The following LAMP1 variants were observed in gnomAD, a reference collection of about 807,000 sequenced individuals.
LAMP1 encodes lysosome associated membrane protein 1.
Under a neutral mutation model 37.5 loss-of-function variants are expected in LAMP1, and 7 were observed. The ratio of observed to expected loss-of-function variants is 0.19; its 90% confidence interval spans 0.11 to 0.35. LAMP1 has a LOEUF of 0.35. Ranked by LOEUF, LAMP1 falls within the 10% of genes least tolerant of loss-of-function variation. The pLI, the probability that LAMP1 is intolerant of heterozygous loss-of-function variation, is 1.00. For synonymous variants in LAMP1, 236 were observed against 229.1 expected, an observed-to-expected ratio of 1.03 and a Z score of -0.27; for missense variants, 537 against 552.8, an observed-to-expected ratio of 0.97 and a Z score of 0.29.
At chr13:113,310,237 A>G (rs1195901367) in intron 3 of LAMP1, among the ~76,000 whole-genome samples, 1 of 150,946 alleles carries the variant, frequency 6.6e-6, no homozygotes, top group Non-Finnish European at 1.5e-5. Context: ...TAAAAAATAA[A>G]AAACACACAG....
intron 4 of LAMP1, among the ~76,000 whole-genome samples, chr13:113,313,075 G>A (rs1277008537): frequency 6.6e-6 from 1 of 152,130 alleles, no homozygotes; most frequent in African/African-American, 2.4e-5. Flanking sequence ...CTCCCTACTG[G>A]CTAGGCCTGG....
intron 1 of LAMP1, among the ~76,000 whole-genome samples, chr13:113,304,707 A>AG (rs2139358633): frequency 6.7e-6 from 1 of 149,714 alleles, no homozygotes; most frequent in East Asian, 2.0e-4. Flanking sequence ...CCCAGGCTGG[A>AG]GGGCAGTGGT....
intron 1 of LAMP1, chr13:113,305,754 G>C (rs1421587997): frequency 6.6e-6 from 1 of 152,200 alleles, no homozygotes; most frequent in African/African-American, 2.4e-5. Flanking sequence ...AGCAGGTGAG[G>C]ACCACAGTGA....
chr13:113,308,926 C>T (rs1014871899), intron 2 of LAMP1, among the ~76,000 whole-genome samples: 8 of 152,112 alleles, frequency 5.3e-5, no homozygotes, highest in Non-Finnish European at 1.0e-4. Context: ...AACATTTCTG[C>T]TATAAACACC....
Position 113,321,557 on chromosome 13 carries a change from A to G in LAMP1, c.944A>G (p.Asp315Gly), listed in dbSNP as rs1566405101. 1.9e-6 allele frequency: 3 copies of G among 1,613,824 alleles called. No homozygotes were observed. The highest frequency in any genetic ancestry group is 2.5e-6 in the Non-Finnish European group (3 of 1,179,990). Reference sequence around the variant, plus strand: ...CACTAGACCTCTGTGTGTGTTGCAGACCCTGCCTTTAAAGCTGCCAACGGC... The same window carrying G: ...CACTAGACCTCTGTGTGTGTTGCAGGCCCTGCCTTTAAAGCTGCCAACGGC... ...QLNTILPDAR[D>G]PAFKAANGSL... Residue 315 changes from aspartate to glycine, a missense_variant and splice_region_variant, in exon 8 of 9, where the codon GAC becomes GGC. By Grantham distance (94) the Asp-to-Gly change is moderately conservative. Transcript: ENST00000332556. This position sits in a 1 kb window ranked among gnomAD's most constrained non-coding sequence, Gnocchi z 5.6.
At chr13:113,313,336 A>AT (rs2042641395) in intron 4 of LAMP1, among the ~76,000 whole-genome samples, 1 of 152,206 alleles carries the variant, frequency 6.6e-6, no homozygotes, top group Non-Finnish European at 1.5e-5. Context: ...AAGATAGACT[A>AT]TTTTTTAGAG....
At chr13:113,306,834 C>CTTTTTTGTT (rs2042601631) in intron 2 of LAMP1, among the ~76,000 whole-genome samples, 2 of 80,142 alleles carry the variant, frequency 2.5e-5, no homozygotes, top group Admixed American at 2.3e-4. Context: ...GAACATTTTC[C>CTTTTTTGTT]TTTTTTTTTT....
chr13:113,320,545 C>T lies in LAMP1; in HGVS notation c.876+75C>T, dbSNP rs2042692673. On this transcript the variant is annotated intron_variant, in intron 6 of 8. Transcript: ENST00000332556. This position sits in a 1 kb window ranked among gnomAD's most constrained non-coding sequence, Gnocchi z 4.4. ...CATCTTTTTGTGCCCTGGGTCTGCT[C>T]ATGGGAGGCAGCGTTAGGAAGGAGG... The T allele has an allele frequency of 6.6e-7, 1 of 1,519,144 alleles. No homozygotes were observed. The highest frequency in any genetic ancestry group is 1.1e-5 in the South Asian group (1 of 87,168). The allele number at this position is 1,519,144 out of a possible 1,614,324, so 94.1% of individuals were successfully genotyped here.
In LAMP1 at chr13:113,297,465, C is replaced by T; in HGVS notation, c.31C>T (p.Leu11=). ...GGCCCCCGGCAGCGCCCGGCGACCC[C>T]TGCTGCTGCTACTGCTGTTGCTGCT... MAAPGSARRP[L]LLLLLLLLLG... is the part of the protein sequence containing the mutation. Residue 11 remains leucine, a synonymous_variant, in exon 1 of 9, where the codon CTG becomes TTG. Coordinates refer to ENST00000332556, the MANE Select transcript of LAMP1 (RefSeq NM_005561.4). The surrounding 1 kb of genome is among the most constrained non-coding windows in gnomAD (Gnocchi z 4.4). 8.2e-7 allele frequency: 1 copy of T among 1,224,408 alleles called. No homozygotes were observed. Among genetic ancestry groups the T allele is most frequent in the Non-Finnish European group, 1.0e-6 (1 of 973,204 alleles). The allele number at this position is 1,224,408 out of a possible 1,614,324, so 75.8% of individuals were successfully genotyped here.
chr13:113,302,800 C>T (rs949248762), intron 1 of LAMP1, among the ~76,000 whole-genome samples: 27 of 152,150 alleles, frequency 1.8e-4, no homozygotes, highest in Admixed American at 1.5e-3. Context: ...TCAGAAGTGG[C>T]ACGTCCTGTG....
chr13:113,320,503 C>T lies in LAMP1; in HGVS notation c.876+33C>T, dbSNP rs752288316. On this transcript the variant is annotated intron_variant, in intron 6 of 8. Coordinates refer to ENST00000332556, the MANE Select transcript of LAMP1 (RefSeq NM_005561.4). The surrounding 1 kb of genome is among the most constrained non-coding windows in gnomAD (Gnocchi z 4.4). ...TGGGGCGGCACCTCTCTGGGGGCGCCCACTGTGTCTCCACCACATCTTTTT... is the reference window on the plus strand; with the variant it reads ...TGGGGCGGCACCTCTCTGGGGGCGCTCACTGTGTCTCCACCACATCTTTTT... The T allele has an allele frequency of 1.3e-6, 2 of 1,596,948 alleles. No homozygotes were observed. Among genetic ancestry groups the T allele is most frequent in the South Asian group, 2.2e-5 (2 of 90,956 alleles).
Position 113,320,695 on chromosome 13 carries a change from G to A in LAMP1, c.876+225G>A. On this transcript the variant is annotated intron_variant, in intron 6 of 8. Transcript: ENST00000332556. The surrounding 1 kb of genome is among the most constrained non-coding windows in gnomAD (Gnocchi z 4.4). ...GGGCGGGGCTGCTGTGCCCACAGTTGGAGTGGCTGCAGGGGAGGGCATGCA... is the reference window on the plus strand; with the variant it reads ...GGGCGGGGCTGCTGTGCCCACAGTTAGAGTGGCTGCAGGGGAGGGCATGCA... 1.8e-6 allele frequency: 1 copy of A among 546,920 alleles called. No individual in the cohort carries two copies. Among genetic ancestry groups the A allele is most frequent in the Non-Finnish European group, 3.2e-6 (1 of 308,416 alleles). 33.9% of individuals were successfully genotyped at this position (546,920 alleles called of 1,614,324 possible).
chr13:113,312,682 G>A (rs760791975), intron 4 of LAMP1, among the ~76,000 whole-genome samples: 1 of 152,224 alleles, frequency 6.6e-6, no homozygotes, highest in African/African-American at 2.4e-5. Context: ...CCGCTTTCCT[G>A]GTGCAGCCTC....
At chr13:113,310,954 TG>T in intron 4 of LAMP1, 87 bp downstream of exon 4, 1 of 1,151,170 alleles carries the variant, frequency 8.7e-7, no homozygotes, top group Middle Eastern at 2.4e-4. Flanking sequence ...CTCTGTGTCC[TG>T]GTGCTGGGCT....
At chr13:113,299,278 T>C (rs2042558139) in intron 1 of LAMP1, among the ~76,000 whole-genome samples, 2 of 152,138 alleles carry the variant, frequency 1.3e-5, no homozygotes, top group South Asian at 4.1e-4. Flanking sequence ...TCTTAACTTT[T>C]TTTTTTTGAG....
Position 113,320,390 on chromosome 13 carries a change from A to G in LAMP1, c.796A>G (p.Ser266Gly). 6.2e-7 allele frequency: 1 copy of G among 1,613,622 alleles called. No individual in the cohort carries two copies. The highest frequency in any genetic ancestry group is 1.1e-5 in the South Asian group (1 of 91,066). The change falls in exon 6 of 9, where the codon AGC becomes GGC. Residue 266 changes from serine (S) to glycine (G), a missense_variant. Physicochemically the swap from Ser to Gly is moderately conservative, Grantham distance 56. Coordinates refer to ENST00000332556, the MANE Select transcript of LAMP1 (RefSeq NM_005561.4). The surrounding 1 kb of genome is among the most constrained non-coding windows in gnomAD (Gnocchi z 4.4). ...CATCAACCCCAACAAGACCTCGGCC[A>G]GCGGGAGCTGCGGCGCCCACCTGGT... ...LNINPNKTSA[S>G]GSCGAHLVTL...
intron 1 of LAMP1, among the ~76,000 whole-genome samples, chr13:113,301,644 A>AAAATATAT (rs2042574129): frequency 5.2e-4 from 2 of 3,868 alleles, no homozygotes; most frequent in African/African-American, 1.4e-3. Flanking sequence ...AAAAAAAAAA[A>AAAATATAT]ATATATATAT....
intron 4 of LAMP1, among the ~76,000 whole-genome samples, chr13:113,316,079 G>T (rs1357037220): frequency 6.6e-6 from 1 of 152,184 alleles, no homozygotes; most frequent in Non-Finnish European, 1.5e-5. Flanking sequence ...CTCCAGCCCA[G>T]CTGACAGAGT....
intron 4 of LAMP1, among the ~76,000 whole-genome samples, chr13:113,319,197 GC>G (rs1172974232): frequency 6.6e-6 from 1 of 152,204 alleles, no homozygotes; most frequent in Non-Finnish European, 1.5e-5. Flanking sequence ...GGCGGTGCCT[GC>G]TGCCCAGGCA....
Sources: allele counts gnomAD v4.1 joint callset (sites outside exome capture counted in the v4.1 genomes callset), GRCh38; gene constraint gnomAD v4.1.1; non-coding constraint Gnocchi (gnomAD v3.1); transcripts MANE v1.5; gene names NCBI Gene and HGNC (gene_info 2026-07-23, HGNC 2026-07-21).